RTN4: variants seen among roughly 807,000 people sequenced by gnomAD.
The protein encoded by RTN4 is reticulon-4.
In RTN4, 32 loss-of-function variants were observed where a neutral mutation model predicts 90.4. The observed-to-expected ratio is 0.35, with a 90% CI of 0.27 to 0.48. The LOEUF is 0.48. RTN4 is among the 20% of genes least tolerant of loss of function. The pLI, the probability that RTN4 is intolerant of heterozygous loss-of-function variation, is 0.99. For missense variants in RTN4, 1,706 were observed against 1,430.2 expected (o/e 1.19, Z -3.11); for synonymous variants, 629 against 552.5 (o/e 1.14, Z -1.94).
chr2:55,074,271 G>A (rs1668563186), intron 2 of RTN4, among the ~76,000 whole-genome samples: 1 of 152,170 alleles, frequency 6.6e-6, no homozygotes, highest in Admixed American at 6.5e-5. Flanking sequence ...GGAAACTGAG[G>A]TGGGAGGATC....
intron 3 of RTN4, among the ~76,000 whole-genome samples, chr2:54,992,553 A>G (rs971369610): frequency 1.3e-5 from 2 of 152,356 alleles, no homozygotes; most frequent in African/African-American, 2.4e-5. Context: ...AATATATTTG[A>G]TAAGTACTTT....
chr2:55,075,811 G>A (rs1228326602), intron 2 of RTN4, among the ~76,000 whole-genome samples: 3 of 152,098 alleles, frequency 2.0e-5, no homozygotes, highest in Admixed American at 2.0e-4. Context: ...ACTGATCTCT[G>A]ACAAAGCAAA....
intron 1 of RTN4, among the ~76,000 whole-genome samples, chr2:55,101,622 C>T (rs1667853445): frequency 6.6e-6 from 1 of 152,102 alleles, no homozygotes; most frequent in Admixed American, 6.5e-5. Context: ...ATTTCTGCTA[C>T]ATAGTCTGTG....
chr2:55,104,783 TG>T (rs1380472282), intron 1 of RTN4, among the ~76,000 whole-genome samples: 1 of 151,992 alleles, frequency 6.6e-6, no homozygotes, highest in Non-Finnish European at 1.5e-5. Context: ...AAGTAGTATC[TG>T]TTTATTGTTT....
chr2:55,046,357 C>T (rs72912586), intron 1 of RTN4, among the ~76,000 whole-genome samples: 2,657 of 152,216 alleles, frequency 0.017, 72 homozygotes, highest in African/African-American at 0.061. Context: ...GTGGGTAAGG[C>T]CACCTCTTCA....
chr2:55,027,422 G>A lies in RTN4; in HGVS notation c.677C>T (p.Ser226Phe). The A allele has an allele frequency of 6.2e-7, 1 of 1,613,552 alleles. No homozygotes were observed. Among genetic ancestry groups the A allele is most frequent in the Non-Finnish European group, 8.5e-7 (1 of 1,179,678 alleles). Residue 226 changes from serine (S) to phenylalanine (F), a missense_variant, in exon 3 of 9, where the codon TCT becomes TTT. Ser to Phe is a radical substitution (Grantham distance 155, BLOSUM62 -2). Transcript: ENST00000337526. ...TISAGQEDFPSVLLETAASLP... is the reference protein window; with the variant it reads ...TISAGQEDFPFVLLETAASLP... ...AGAAGCAGCAGTTTCAAGCAGGACAGATGGGAAATCCTCTTGACCAGCCGA... is the reference window on the plus strand; with the variant it reads ...AGAAGCAGCAGTTTCAAGCAGGACAAATGGGAAATCCTCTTGACCAGCCGA...
At chr2:55,068,664 C>T (rs1668435380) in intron 2 of RTN4, among the ~76,000 whole-genome samples, 2 of 111,146 alleles carry the variant, frequency 1.8e-5, no homozygotes, top group South Asian at 5.5e-4. Context: ...AAAAATGGTG[C>T]TCTACAAAAA....
chr2:55,123,931 A>C, the RTN4 span, among the ~76,000 whole-genome samples: 1 of 152,136 alleles, frequency 6.6e-6, no homozygotes, highest in Non-Finnish European at 1.5e-5. Flanking sequence ...GAAGTCCAGC[A>C]TCTCTCTGTA....
At chr2:55,117,022 C>T (rs1409428946), upstream of RTN4, among the ~76,000 whole-genome samples, 2 of 151,764 alleles carry the variant, frequency 1.3e-5, no homozygotes, top group African/African-American at 2.4e-5. Flanking sequence ...TACATGTGTT[C>T]GCCACCATGC....
chr2:54,996,648 C>T (rs183159240), intron 3 of RTN4, among the ~76,000 whole-genome samples: 5 of 152,172 alleles, frequency 3.3e-5, no homozygotes, highest in Non-Finnish European at 7.4e-5. Flanking sequence ...AAACAAATGA[C>T]GTTGGATTCT....
chr2:54,973,495 G>A, intron 8 of RTN4, 68 bp downstream of exon 8: 4 of 1,245,602 alleles, frequency 3.2e-6, no homozygotes, highest in Non-Finnish European at 4.7e-6. Flanking sequence ...CCTGCAATAT[G>A]AAAATACTGT....
At chr2:54,983,183 A>G (rs1454623346) in intron 4 of RTN4, among the ~76,000 whole-genome samples, 4 of 152,010 alleles carry the variant, frequency 2.6e-5, no homozygotes, top group Non-Finnish European at 4.4e-5. Context: ...AAATTGTTCA[A>G]TATGTCAAGC....
Position 55,025,094 on chromosome 2 carries a change from T to A in RTN4, c.3005A>T (p.Lys1002Ile). 1 of 1,597,898 alleles carries A rather than the reference T, an allele frequency of 6.3e-7. No individual in the cohort carries two copies. Among genetic ancestry groups the A allele is most frequent in the East Asian group, 2.2e-5 (1 of 44,654 alleles). Residue 1002 changes from lysine (K) to isoleucine (I), a missense_variant, in exon 3 of 9, where the codon AAA becomes ATA. By Grantham distance (102) the Lys-to-Ile change is moderately radical. Transcript: ENST00000337526. ...CATATAGATTGGATTACCTGAAGTTTTACTCAGCTCTGCTGAAAATATAGC... is the reference window on the plus strand; with the variant it reads ...CATATAGATTGGATTACCTGAAGTTATACTCAGCTCTGCTGAAAATATAGC... ...PSAIFSAELSKTSVVDLLYWR... is the reference protein window; with the variant it reads ...PSAIFSAELSITSVVDLLYWR...
intron 2 of RTN4, among the ~76,000 whole-genome samples, chr2:55,074,299 T>C (rs1244400515): frequency 1.3e-5 from 2 of 152,094 alleles, no homozygotes. Context: ...GCCAGGAGTT[T>C]GAGGCCAGCC....
At chr2:55,033,455 G>A (rs1028215356) in intron 1 of RTN4, among the ~76,000 whole-genome samples, 2 of 152,156 alleles carry the variant, frequency 1.3e-5, no homozygotes, top group Admixed American at 1.3e-4. Flanking sequence ...AATGAGCAGA[G>A]CAGGCAAACC....
At chr2:55,099,574 A>G (rs2105054524) in intron 1 of RTN4, among the ~76,000 whole-genome samples, 1 of 152,148 alleles carries the variant, frequency 6.6e-6, no homozygotes, top group African/African-American at 2.4e-5. Context: ...GACATCAATC[A>G]GGGATTTGGG....
At chr2:54,976,462 A>G (rs1677642259) in intron 5 of RTN4, among the ~76,000 whole-genome samples, 1 of 152,224 alleles carries the variant, frequency 6.6e-6, no homozygotes, top group African/African-American at 2.4e-5. Flanking sequence ...ACACAGTGAT[A>G]TGCATTCTTC....
intron 3 of RTN4, among the ~76,000 whole-genome samples, chr2:55,003,796 T>A (rs766694028): frequency 9.2e-5 from 14 of 152,134 alleles, no homozygotes; most frequent in Admixed American, 6.5e-5. Context: ...CTACCTACAT[T>A]GTAAAAAGTA....
chr2:55,044,840 G>A (rs1346215680), intron 1 of RTN4, among the ~76,000 whole-genome samples: 1 of 137,684 alleles, frequency 7.3e-6, no homozygotes, highest in Non-Finnish European at 1.5e-5. Context: ...AGTTGCCCAG[G>A]AACCAATCTG....
Sources: gnomAD v4.1 joint callset for allele counts (sites outside exome capture counted in the v4.1 genomes callset) on GRCh38, gnomAD v4.1.1 for gene constraint, MANE v1.5 for transcripts, NCBI Gene and HGNC (gene_info 2026-07-23, HGNC 2026-07-21) for gene names.